The following CUL3 variants were observed in gnomAD, a reference collection of about 807,000 sequenced individuals.
CUL3 encodes cullin-3.
CUL3 carries 19 observed loss-of-function variants against 89.1 expected under a neutral mutation model. The observed-to-expected ratio is 0.21, with a 90% CI of 0.15 to 0.31. The LOEUF (loss-of-function observed/expected upper bound fraction) is 0.31, where lower values mean the gene tolerates loss of function less well. Ranked by LOEUF, CUL3 falls within the 10% of genes least tolerant of loss-of-function variation. The pLI, the probability that CUL3 is intolerant of heterozygous loss-of-function variation, is 1.00. For missense variants in CUL3, 469 were observed against 942.3 expected, an observed-to-expected ratio of 0.50 and a Z score of 6.58; for synonymous variants, 351 against 308.4, an observed-to-expected ratio of 1.14 and a Z score of -1.45.
chr2:224,500,810 G>C (rs2106190266), intron 10 of CUL3, among the ~76,000 whole-genome samples: 1 of 151,920 alleles, frequency 6.6e-6, no homozygotes, highest in Admixed American at 6.6e-5. Flanking sequence ...TTTTAGTAGA[G>C]ACGGGGTTTC....
intron 2 of CUL3, among the ~76,000 whole-genome samples, chr2:224,537,129 A>G (rs550094241): frequency 5.3e-4 from 81 of 152,338 alleles, no homozygotes; most frequent in African/African-American, 1.8e-3. Flanking sequence ...TGAGATATAT[A>G]GACACCTCTA....
intron 11 of CUL3, chr2:224,499,629 TAAAG>T (rs1692297668): frequency 9.6e-6 from 2 of 208,784 alleles, no homozygotes; most frequent in Admixed American, 9.0e-5. Context: ...GCTGAAGAAA[TAAAG>T]AAGCCACTCT....
intron 1 of CUL3, among the ~76,000 whole-genome samples, chr2:224,581,041 T>C (rs1695424163): frequency 6.6e-6 from 1 of 152,136 alleles, no homozygotes; most frequent in South Asian, 2.1e-4. Context: ...TAATACTATA[T>C]TACATATTTT....
intron 1 of CUL3, among the ~76,000 whole-genome samples, chr2:224,567,015 C>T (rs1156421971): frequency 5.3e-5 from 8 of 152,102 alleles, no homozygotes; most frequent in African/African-American, 1.4e-4. Flanking sequence ...TTTCTTGTAA[C>T]GTCATGACTT....
intron 3 of CUL3, among the ~76,000 whole-genome samples, chr2:224,516,306 CT>C (rs1314525165): frequency 6.8e-6 from 1 of 147,990 alleles, no homozygotes; most frequent in Admixed American, 6.8e-5. Flanking sequence ...CACGTCCCTC[CT>C]TTTTTGTTTG....
intron 2 of CUL3, among the ~76,000 whole-genome samples, chr2:224,536,394 A>G (rs1693901177): frequency 6.6e-6 from 1 of 151,094 alleles, no homozygotes; most frequent in South Asian, 2.1e-4. Context: ...AAGAAAGCCT[A>G]GCTCTACTTC....
chr2:224,582,376 C>T (rs954930598), intron 1 of CUL3, among the ~76,000 whole-genome samples: 1 of 152,162 alleles, frequency 6.6e-6, no homozygotes, highest in Non-Finnish European at 1.5e-5. Flanking sequence ...TTTTGAAGGT[C>T]TATAAGCACA....
At chr2:224,503,145 A>C in intron 9 of CUL3, 73 bp from the exon 10 acceptor site, 1 of 982,934 alleles carries the variant, frequency 1.0e-6, no homozygotes, top group Non-Finnish European at 1.6e-6. Context: ...AAAGAAATAA[A>C]TTATTTCATG....
At chr2:224,535,004 AT>A (rs1693832629) in intron 3 of CUL3, among the ~76,000 whole-genome samples, 1 of 12,862 alleles carries the variant, frequency 7.8e-5, no homozygotes, top group East Asian at 0.012. Context: ...CCGTCTCAAA[AT>A]AAATAAATAA....
At chr2:224,540,569 G>A (rs1442231846) in intron 2 of CUL3, among the ~76,000 whole-genome samples, 1 of 152,076 alleles carries the variant, frequency 6.6e-6, no homozygotes, top group Non-Finnish European at 1.5e-5. Flanking sequence ...GGAAACCACT[G>A]GCTCCCACAC....
At position 224,557,628 on chromosome 2, in the gene CUL3, G is replaced by C. The variant is rs530032696; in HGVS notation, c.264+31C>G. ...TAAAGGATTTTCTACATTCAATATAGTATTAGCAACAGTCCTTTAAAGTTT... is the reference window on the plus strand; with the variant it reads ...TAAAGGATTTTCTACATTCAATATACTATTAGCAACAGTCCTTTAAAGTTT... On this transcript the variant is annotated intron_variant, in intron 2 of 15. Coordinates refer to ENST00000264414, the MANE Select transcript of CUL3 (RefSeq NM_003590.5). 6 of 1,451,458 alleles carry C rather than the reference G, an allele frequency of 4.1e-6. No individual in the cohort carries two copies. The East Asian group carries it at 1.1e-4, about 28-fold the overall frequency. The allele number at this position is 1,451,458 out of a possible 1,614,324, so 89.9% of individuals were successfully genotyped here.
intron 12 of CUL3, among the ~76,000 whole-genome samples, chr2:224,497,301 A>G (rs923280132): frequency 6.6e-5 from 10 of 152,142 alleles, no homozygotes; most frequent in African/African-American, 1.9e-4. Context: ...TCACTGGTCT[A>G]ATACTAATTT....
At chr2:224,491,522 T>G (rs774954602) in intron 13 of CUL3, among the ~76,000 whole-genome samples, 24 of 152,222 alleles carry the variant, frequency 1.6e-4, no homozygotes, top group Non-Finnish European at 2.9e-4. Flanking sequence ...TTTTGATAAT[T>G]TTTTCAATTT....
In CUL3 at chr2:224,471,272, A is replaced by G. The variant is rs934048318; in HGVS notation, c.*2973T>C. On this transcript the variant is annotated 3_prime_UTR_variant, in exon 16 of 16. Transcript: ENST00000264414. ...CATATACTCTATAAAAAATTATTCT[A>G]TGAAAGTCTTAAGTTACAGTAGACA... 1.5e-5 allele frequency: 3 copies of G among 205,784 alleles called. No individual in the cohort carries two copies. The East Asian group carries it at 2.3e-4, about 15-fold the overall frequency. The allele number at this position is 205,784 out of a possible 1,614,324, so 12.7% of individuals were successfully genotyped here.
intron 13 of CUL3, among the ~76,000 whole-genome samples, chr2:224,489,685 A>C (rs1302503474): frequency 6.6e-6 from 1 of 152,234 alleles, no homozygotes; most frequent in Non-Finnish European, 1.5e-5. Flanking sequence ...TATTCCCATC[A>C]AGCTACCATT....
At chr2:224,533,557 GTTC>G (rs1165804644) in intron 3 of CUL3, among the ~76,000 whole-genome samples, 2 of 152,128 alleles carry the variant, frequency 1.3e-5, no homozygotes, top group Non-Finnish European at 2.9e-5. Context: ...AAATTTTAAA[GTTC>G]TTCTTTTGTC....
At chr2:224,478,511 T>A (rs943801661) in intron 14 of CUL3, 166 bp from the exon 15 acceptor site, 1 of 495,654 alleles carries the variant, frequency 2.0e-6, no homozygotes, top group African/African-American at 1.9e-5. Context: ...TAATGTTTAC[T>A]TGAATACTAA....
At chr2:224,497,264 C>T (rs1019896886) in intron 12 of CUL3, among the ~76,000 whole-genome samples, 1 of 151,906 alleles carries the variant, frequency 6.6e-6, no homozygotes, top group Non-Finnish European at 1.5e-5. Flanking sequence ...TATAAAAATG[C>T]GATTGCTTTT....
intron 1 of CUL3, among the ~76,000 whole-genome samples, chr2:224,575,593 T>C (rs1200038910): frequency 6.6e-6 from 1 of 152,200 alleles, no homozygotes; most frequent in Non-Finnish European, 1.5e-5. Flanking sequence ...TAATAACACC[T>C]TGCATTTATG....
Sources: allele counts gnomAD v4.1 joint callset (sites outside exome capture counted in the v4.1 genomes callset), GRCh38; gene constraint gnomAD v4.1.1; transcripts MANE v1.5; gene names NCBI Gene and HGNC (gene_info 2026-07-23, HGNC 2026-07-21).